The following TSPAN9 variants were observed in gnomAD, a reference collection of about 807,000 sequenced individuals.
TSPAN9 encodes the protein tetraspanin 9.
A neutral mutation model predicts 31.0 loss-of-function variants in TSPAN9; 16 were observed. The ratio of observed to expected loss-of-function variants is 0.52; its 90% CI spans 0.35 to 0.78. The LOEUF (loss-of-function observed/expected upper bound fraction) is 0.78. Among genes scored for constraint, TSPAN9 ranks in the 30% least tolerant of loss-of-function variants. TSPAN9 has a pLI of 0.01. For synonymous variants in TSPAN9, 145 were observed against 121.6 expected, an observed-to-expected ratio of 1.19 and a Z score of -1.27; for missense variants, 272 against 312.5, an observed-to-expected ratio of 0.87 and a Z score of 0.98.
At chr12:3,104,541 T>TG in intron 2 of TSPAN9, among the ~76,000 whole-genome samples, 1 of 152,116 alleles carries the variant, frequency 6.6e-6, no homozygotes, top group South Asian at 2.1e-4. Flanking sequence ...TTTGTAGAAA[T>TG]GGGGGTCTTG....
chr12:3,276,438 G>A (rs1050142776), intron 3 of TSPAN9, among the ~76,000 whole-genome samples: 4 of 152,174 alleles, frequency 2.6e-5, no homozygotes, highest in African/African-American at 9.7e-5. Flanking sequence ...CACTGTTGTA[G>A]CACACGGCCA....
intron 3 of TSPAN9, among the ~76,000 whole-genome samples, chr12:3,276,558 C>T (rs1040596156): frequency 6.6e-6 from 1 of 152,198 alleles, no homozygotes. Context: ...GCTCCCTCCC[C>T]CTGTTTATTT....
chr12:3,151,628 C>T (rs979822083), intron 2 of TSPAN9, among the ~76,000 whole-genome samples: 6 of 152,224 alleles, frequency 3.9e-5, no homozygotes, highest in Non-Finnish European at 8.8e-5. Flanking sequence ...TCTTCCCGCC[C>T]ATGCTTGGTG....
At chr12:3,128,077 C>G (rs1029615704) in intron 2 of TSPAN9, among the ~76,000 whole-genome samples, 1 of 152,184 alleles carries the variant, frequency 6.6e-6, no homozygotes, top group African/African-American at 2.4e-5. Context: ...CTTAGGGGAC[C>G]ACTGTCGTAT....
intron 2 of TSPAN9, among the ~76,000 whole-genome samples, chr12:3,182,941 T>C (rs73035915): frequency 0.035 from 5,262 of 152,254 alleles, 127 homozygotes; most frequent in East Asian, 0.1. Context: ...GGCCGCATGG[T>C]CGGAGACAGA....
intron 3 of TSPAN9, among the ~76,000 whole-genome samples, chr12:3,213,491 C>T (rs190448602): frequency 1.0e-3 from 157 of 152,210 alleles, no homozygotes; most frequent in Middle Eastern, 3.4e-3. Context: ...GGCTCAGAGG[C>T]CTGGTTGGGG....
At chr12:3,163,444 G>T (rs1365883949) in intron 2 of TSPAN9, among the ~76,000 whole-genome samples, 1 of 152,158 alleles carries the variant, frequency 6.6e-6, no homozygotes, top group African/African-American at 2.4e-5. Context: ...AGGGACCATG[G>T]CTTTCTGTTC....
chr12:3,192,774 C>T lies in TSPAN9; in HGVS notation c.-17-8403C>T, dbSNP rs2098365113. Among the ~76,000 whole-genome samples the T allele has an allele frequency of 6.6e-6, 1 of 152,240 alleles. No individual in the cohort carries two copies. Among genetic ancestry groups the T allele is most frequent in the Admixed American group, 6.5e-5 (1 of 15,302 alleles). On this transcript the variant is annotated intron_variant, in intron 2 of 8. Coordinates refer to ENST00000011898, the MANE Select transcript of TSPAN9 (RefSeq NM_006675.5). This position sits in a 1 kb window ranked among gnomAD's most constrained non-coding sequence, Gnocchi z 4.6. ...GAAAGTTGGGCAGAAGAGAAGAGGGCTCAGAGCTGAGGGCCTCCCTGAGGA... is the reference window on the plus strand; with the variant it reads ...GAAAGTTGGGCAGAAGAGAAGAGGGTTCAGAGCTGAGGGCCTCCCTGAGGA...
chr12:3,280,444 C>T lies in TSPAN9; in HGVS notation c.393C>T (p.Asn131=), dbSNP rs762676996. 19 of 1,613,240 alleles carry T rather than the reference C, an allele frequency of 1.2e-5. No homozygotes were observed. The highest frequency in any genetic ancestry group is 1.7e-5 in the Admixed American group (1 of 60,020). Residue 131 remains asparagine (N), a synonymous_variant, in exon 6 of 9, where the codon AAC becomes AAT. Transcript: ENST00000011898. This position sits in a 1 kb window ranked among gnomAD's most constrained non-coding sequence, Gnocchi z 4.5. ...EGLLLYHTEN[N]VGLKNAWNII... The stretch of plus-strand genomic sequence containing the variant: ...TGCTGCTGTACCACACCGAGAACAA[C>T]GTGGGGCTGAAGAACGCCTGGAACA...
At chr12:3,274,777 G>A (rs558656407) in intron 3 of TSPAN9, among the ~76,000 whole-genome samples, 33 of 152,354 alleles carry the variant, frequency 2.2e-4, no homozygotes, top group African/African-American at 6.3e-4. Flanking sequence ...AGCCCCTTGA[G>A]GATGGGAGCG....
chr12:3,217,042 G>A (rs1284713514), intron 3 of TSPAN9, among the ~76,000 whole-genome samples: 1 of 152,262 alleles, frequency 6.6e-6, no homozygotes, highest in African/African-American at 2.4e-5. Context: ...CTGAGAGACT[G>A]CTCAGAGGGC....
At chr12:3,257,861 TC>T (rs1477562839) in intron 3 of TSPAN9, among the ~76,000 whole-genome samples, 1 of 152,114 alleles carries the variant, frequency 6.6e-6, no homozygotes, top group East Asian at 1.9e-4. Flanking sequence ...CTTTTTGTGT[TC>T]ATCAGAGAAA....
intron 2 of TSPAN9, among the ~76,000 whole-genome samples, chr12:3,108,559 A>G (rs2098315823): frequency 6.6e-6 from 1 of 152,100 alleles, no homozygotes; most frequent in Non-Finnish European, 1.5e-5. Context: ...ACTTTCATCC[A>G]CTGTGGATCC....
chr12:3,196,897 A>C (rs936202613), intron 2 of TSPAN9, among the ~76,000 whole-genome samples: 1 of 152,228 alleles, frequency 6.6e-6, no homozygotes, highest in East Asian at 1.9e-4. Flanking sequence ...CAATGAGGCA[A>C]CTATTCTGCC....
chr12:3,148,537 A>G (rs989457265), intron 2 of TSPAN9, among the ~76,000 whole-genome samples: 1 of 152,170 alleles, frequency 6.6e-6, no homozygotes, highest in African/African-American at 2.4e-5. Flanking sequence ...GAACGTGGGC[A>G]GGGAGCGTGG....
In TSPAN9 at chr12:3,083,292, G is replaced by A. The variant is rs963276270; in HGVS notation, c.-84-361G>A. ...TCTTGAAACTTTGGGTCACTTGTGA[G>A]TGGCCAAAATTGTAATATTAAATCC... On this transcript the variant is annotated intron_variant, in intron 1 of 8. Coordinates refer to ENST00000011898, the MANE Select transcript of TSPAN9 (RefSeq NM_006675.5). Among the ~76,000 whole-genome samples the A allele has an allele frequency of 2.2e-4, 34 of 152,216 alleles. 1 individual carries two copies. Among genetic ancestry groups the A allele is most frequent in the African/African-American group, 8.2e-4 (34 of 41,444 alleles).
chr12:3,096,398 T>C (rs1424965523), intron 2 of TSPAN9, among the ~76,000 whole-genome samples: 1 of 152,178 alleles, frequency 6.6e-6, no homozygotes, highest in Non-Finnish European at 1.5e-5. Context: ...GGGACATTTC[T>C]AACATCTCTC....
chr12:3,211,351 A>G (rs985599462), intron 3 of TSPAN9, among the ~76,000 whole-genome samples: 2 of 152,050 alleles, frequency 1.3e-5, no homozygotes, highest in African/African-American at 4.8e-5. Context: ...CTGATGCCGC[A>G]CTGTCTTCAT....
intron 3 of TSPAN9, chr12:3,206,153 C>T (rs563118530): frequency 2.6e-6 from 1 of 388,788 alleles, no homozygotes; most frequent in African/African-American, 2.1e-5. Flanking sequence ...GCCTGGCTGC[C>T]CTTGGCTGAA....
Sources: gnomAD v4.1 joint callset for allele counts (sites outside exome capture counted in the v4.1 genomes callset) on GRCh38, gnomAD v4.1.1 for gene constraint, Gnocchi (gnomAD v3.1) non-coding constraint, MANE v1.5 for transcripts, NCBI Gene and HGNC (gene_info 2026-07-23, HGNC 2026-07-21) for gene names.